TGM5: variants seen among roughly 807,000 people sequenced by gnomAD.
The protein encoded by TGM5 is protein-glutamine gamma-glutamyltransferase 5.
A neutral mutation model predicts 77.2 loss-of-function variants in TGM5; 69 were observed. The observed-to-expected ratio is 0.89, with a 90% CI of 0.74 to 1.09. TGM5 has a LOEUF of 1.09. Among genes scored for constraint, TGM5 ranks in the 50% least tolerant of loss-of-function variants. TGM5 has a pLI of 0.00. For synonymous variants in TGM5, 346 were observed against 351.8 expected, an observed-to-expected ratio of 0.98 and a Z score of 0.18; for missense variants, 842 against 896.5, an observed-to-expected ratio of 0.94 and a Z score of 0.78.
At chr15:43,254,247 T>G (rs913454563) in intron 4 of TGM5, among the ~76,000 whole-genome samples, 3 of 152,220 alleles carry the variant, frequency 2.0e-5, no homozygotes, top group African/African-American at 7.2e-5. Context: ...CCTGGGTATG[T>G]GCCCTCTCCG....
chr15:43,260,672 C>A (rs569106403), intron 1 of TGM5, 93 bp from the exon 2 acceptor site: 1 of 1,390,162 alleles, frequency 7.2e-7, no homozygotes, highest in South Asian at 1.2e-5. Context: ...GAGAAAGTAA[C>A]TTAGCTTGAG....
chr15:43,240,148 A>G (rs1268681519), intron 7 of TGM5, among the ~76,000 whole-genome samples: 1 of 152,128 alleles, frequency 6.6e-6, no homozygotes, highest in East Asian at 1.9e-4. Flanking sequence ...GCCTTTTTGT[A>G]TAAAAACTGG....
Position 43,260,301 on chromosome 15 carries a change from G to A in TGM5, c.191-4C>T. On this transcript the variant is annotated splice_region_variant and splice_polypyrimidine_tract_variant and intron_variant, in intron 2 of 12. Coordinates refer to ENST00000220420, the MANE Select transcript of TGM5 (RefSeq NM_201631.4). Reference sequence around the variant, plus strand: ...AAGGCCAGGTCTGGCAGCGGTCCTAGGAGGGAAGTAGAGCTGAGGCCCTCC... The same window carrying A: ...AAGGCCAGGTCTGGCAGCGGTCCTAAGAGGGAAGTAGAGCTGAGGCCCTCC... 2 of 1,614,068 alleles carry A rather than the reference G, an allele frequency of 1.2e-6. No homozygotes were observed. The highest frequency in any genetic ancestry group is 2.7e-5 in the African/African-American group (2 of 75,054).
At chr15:43,247,677 A>G (rs891667923) in intron 6 of TGM5, 2 of 152,126 alleles carry the variant, frequency 1.3e-5, no homozygotes, top group African/African-American at 4.8e-5. Flanking sequence ...GATGAAAAAT[A>G]CACACGGGTC....
At chr15:43,246,186 C>T (rs1007555240) in intron 6 of TGM5, among the ~76,000 whole-genome samples, 5 of 152,098 alleles carry the variant, frequency 3.3e-5, no homozygotes, top group South Asian at 2.1e-4. Flanking sequence ...TAGAGTTGTG[C>T]AGGACAACTG....
intron 3 of TGM5, among the ~76,000 whole-genome samples, chr15:43,257,261 T>A (rs1293581021): frequency 6.6e-6 from 1 of 152,170 alleles, no homozygotes; most frequent in Non-Finnish European, 1.5e-5. Flanking sequence ...TGGGGAGTAG[T>A]TAGATAGCTT....
At chr15:43,263,244 T>C (rs2042802181) in intron 1 of TGM5, among the ~76,000 whole-genome samples, 2 of 152,178 alleles carry the variant, frequency 1.3e-5, no homozygotes, top group Non-Finnish European at 2.9e-5. Context: ...GGTTCATGGA[T>C]TGGAAGGCAA....
At position 43,235,780 on chromosome 15, in the gene TGM5, C is replaced by T. The variant is rs1268544004; in HGVS notation, c.1403G>A (p.Ser468Asn). 3 of 1,614,194 alleles carry T rather than the reference C, an allele frequency of 1.9e-6. No homozygotes were observed. The highest frequency in any genetic ancestry group is 2.5e-6 in the Non-Finnish European group (3 of 1,180,034). Residue 468 changes from serine to asparagine, a missense_variant, in exon 10 of 13, where the codon AGC becomes AAC. Physicochemically the swap from Ser to Asn is conservative, Grantham distance 46 (BLOSUM62 1). Around this residue, in one of 2 missense-constraint regions of TGM5, gnomAD observed 815 missense variants for 844.6 expected, o/e 0.96. Coordinates refer to ENST00000220420, the MANE Select transcript of TGM5 (RefSeq NM_201631.4). ...LKALQKLKARSFHGSQRGAEL... is the reference protein window; with the variant it reads ...LKALQKLKARNFHGSQRGAEL... ...TGCTCCTCTTTGGGAGCCATGGAAG[C>T]TTCTAGCCTTCAGCTTCTGCAGAGC...
intron 9 of TGM5, 138 bp from the exon 10 acceptor site, chr15:43,235,975 C>T: frequency 8.4e-7 from 1 of 1,195,504 alleles, no homozygotes; most frequent in Non-Finnish European, 1.2e-6. Flanking sequence ...CCCTCCACTC[C>T]TCATGTGCTT....
intron 9 of TGM5, among the ~76,000 whole-genome samples, 200 bp downstream of exon 9, chr15:43,238,617 G>T (rs1313471300): frequency 6.6e-6 from 1 of 152,198 alleles, no homozygotes; most frequent in Admixed American, 6.5e-5. Context: ...TGTGGCGGGA[G>T]CTCGCTGGCC....
intron 1 of TGM5, among the ~76,000 whole-genome samples, chr15:43,261,021 A>G (rs983102908): frequency 8.1e-6 from 1 of 123,474 alleles, no homozygotes; most frequent in Non-Finnish European, 1.7e-5. Context: ...TCCCTGGTTT[A>G]GTTGCCCTGG....
At chr15:43,249,731 A>G (rs2042691898) in intron 6 of TGM5, among the ~76,000 whole-genome samples, 2 of 152,214 alleles carry the variant, frequency 1.3e-5, no homozygotes, top group Admixed American at 6.5e-5. Context: ...CTGGGCACAG[A>G]AAGGGTAGGC....
In TGM5 at chr15:43,253,008, G is replaced by A. The variant is rs2042716825; in HGVS notation, c.685-72C>T. On this transcript the variant is annotated intron_variant, in intron 5 of 12. Coordinates refer to ENST00000220420, the MANE Select transcript of TGM5 (RefSeq NM_201631.4). ...AACATGCCATGTGTGGGCTGCCTTGGAAGACCCATGGGCCTGAGAAACAGA... is the reference window on the plus strand; with the variant it reads ...AACATGCCATGTGTGGGCTGCCTTGAAAGACCCATGGGCCTGAGAAACAGA... 12 of 1,525,536 alleles carry A rather than the reference G, an allele frequency of 7.9e-6. 1 individual carries two copies. The Admixed American group carries it at 2.0e-4, about 26-fold the overall frequency. 94.5% of individuals were successfully genotyped at this position (1,525,536 alleles called of 1,614,324 possible). A position where few individuals can be genotyped will look rare whatever the true frequency, so the allele number is the denominator to read the frequency against.
intron 4 of TGM5, among the ~76,000 whole-genome samples, chr15:43,253,976 G>A (rs913432262): frequency 3.3e-5 from 5 of 150,460 alleles, no homozygotes; most frequent in African/African-American, 9.9e-5. Flanking sequence ...GCACCAGGGG[G>A]TGTTCCTGCC....
chr15:43,239,292 C>T (rs761309498), intron 7 of TGM5, 26 bp from the exon 8 acceptor site: 13 of 1,609,118 alleles, frequency 8.1e-6, no homozygotes, highest in South Asian at 7.7e-5. Context: ...CCAAGGGAGA[C>T]GTTGTACTGC....
At chr15:43,245,112 T>C (rs1434883304) in intron 6 of TGM5, among the ~76,000 whole-genome samples, 2 of 151,766 alleles carry the variant, frequency 1.3e-5, no homozygotes, top group East Asian at 1.9e-4. Flanking sequence ...ATCTAGTATG[T>C]TTCAGGACTG....
In TGM5 at chr15:43,253,549, A is replaced by G; in HGVS notation, c.641T>C (p.Leu214Pro). ...FQTDPATDCA[L>P]RGSPVYVSRV... ...GCTGACGTAGACGGGGCTTCCCCGC[A>G]GAGCACAGTCTGTGGCTGGGTCAGT... Residue 214 changes from leucine (L) to proline (P), a missense_variant, in exon 5 of 13, where the codon CTG becomes CCG. Around this residue, in one of 2 missense-constraint regions of TGM5, gnomAD observed 815 missense variants for 844.6 expected, o/e 0.96. Coordinates refer to ENST00000220420, the MANE Select transcript of TGM5 (RefSeq NM_201631.4). 1 of 1,613,778 alleles carries G rather than the reference A, an allele frequency of 6.2e-7. No homozygotes were observed. The highest frequency in any genetic ancestry group is 8.5e-7 in the Non-Finnish European group (1 of 1,180,042).
intron 3 of TGM5, among the ~76,000 whole-genome samples, chr15:43,258,234 A>T (rs578069301): frequency 2.7e-4 from 41 of 152,126 alleles, no homozygotes; most frequent in African/African-American, 9.4e-4. Flanking sequence ...ATAATAATAA[A>T]AAAAAGAAAC....
At chr15:43,265,884 G>A (rs1320496737) in intron 1 of TGM5, among the ~76,000 whole-genome samples, 1 of 152,134 alleles carries the variant, frequency 6.6e-6, no homozygotes, top group Non-Finnish European at 1.5e-5. Context: ...TGACTGGCAT[G>A]GACAGAGCTC....
Sources: gnomAD v4.1 joint callset for allele counts (sites outside exome capture counted in the v4.1 genomes callset) on GRCh38, gnomAD v4.1.1 for gene constraint, gnomAD v4.1.1 regional missense constraint, MANE v1.5 for transcripts, NCBI Gene and HGNC (gene_info 2026-07-23, HGNC 2026-07-21) for gene names.